ADGRV1: variants seen among roughly 807,000 people sequenced by gnomAD.
ADGRV1 encodes the protein G-protein coupled receptor 98.
A neutral mutation model predicts 596.2 loss-of-function variants in ADGRV1; 359 were observed. The ratio of observed to expected loss-of-function variants is 0.60; its 90% CI spans 0.55 to 0.66. The LOEUF (loss-of-function observed/expected upper bound fraction) is 0.66, where lower values mean the gene tolerates loss of function less well. ADGRV1 is among the 30% of genes least tolerant of loss of function. The probability of loss-of-function intolerance (pLI) is 0.00; values close to 1 mark genes in which losing one functional copy is unlikely to be tolerated. For missense variants in ADGRV1, 7,274 were observed against 7,575.6 expected (o/e 0.96, Z 1.48); for synonymous variants, 2,681 against 2,679.2 (o/e 1.00, Z -0.02).
At chr5:90,882,522 A>G (rs1769893589) in intron 83 of ADGRV1, among the ~76,000 whole-genome samples, 1 of 152,194 alleles carries the variant, frequency 6.6e-6, no homozygotes, top group African/African-American at 2.4e-5. Flanking sequence ...TCTTCATTAC[A>G]GCCTTTTAAA....
At chr5:91,078,836 A>G (rs1453345275) in intron 86 of ADGRV1, among the ~76,000 whole-genome samples, 1 of 152,248 alleles carries the variant, frequency 6.6e-6, no homozygotes, top group East Asian at 1.9e-4. Flanking sequence ...AATTGGGAGA[A>G]ATAGTACATT....
intron 73 of ADGRV1, among the ~76,000 whole-genome samples, chr5:90,809,293 TACACACACACACACAC>T (rs60659185): frequency 7.4e-6 from 1 of 134,538 alleles, no homozygotes; most frequent in South Asian, 2.5e-4. Flanking sequence ...CGGGCATAAA[TACACACACACACACAC>T]ACACACACAC....
intron 70 of ADGRV1, among the ~76,000 whole-genome samples, chr5:90,794,275 G>T (rs532541680): frequency 1.3e-5 from 2 of 152,284 alleles, no homozygotes; most frequent in African/African-American, 4.8e-5. Context: ...TCTTGATGTA[G>T]GTTTAACACC....
chr5:90,725,205 A>T lies in ADGRV1; in HGVS notation c.10026A>T (p.Thr3342=). The T allele has an allele frequency of 1.3e-6, 2 of 1,501,434 alleles. No individual in the cohort carries two copies. The highest frequency in any genetic ancestry group is 1.8e-6 in the Non-Finnish European group (2 of 1,115,770). The allele number at this position is 1,501,434 out of a possible 1,614,324, so 93.0% of individuals were successfully genotyped here. The change falls in exon 47 of 90, where the codon ACA becomes ACT. Residue 3342 remains threonine, a synonymous_variant. Transcript: ENST00000405460. ...EEKPSLNSVF[T]FTSGFKLFLV... Reference sequence around the variant, plus strand: ...AGCCTTCTCTTAACAGTGTGTTTACATTCACATCTGGATTTAAATTATTCC... The same window carrying T: ...AGCCTTCTCTTAACAGTGTGTTTACTTTCACATCTGGATTTAAATTATTCC...
intron 33 of ADGRV1, among the ~76,000 whole-genome samples, chr5:90,696,264 T>C (rs1475161625): frequency 6.6e-6 from 1 of 152,118 alleles, no homozygotes. Context: ...ATCTACTAGA[T>C]CAAATTGCAA....
chr5:90,829,202 A>G lies in ADGRV1; in HGVS notation c.16611+16A>G, dbSNP rs533475972. The G allele has an allele frequency of 1.1e-4, 156 of 1,466,948 alleles. No individual in the cohort carries two copies. The highest frequency in any genetic ancestry group is 1.4e-4 in the Non-Finnish European group (152 of 1,098,142). 90.9% of individuals were successfully genotyped at this position (1,466,948 alleles called of 1,614,324 possible). A position where few individuals can be genotyped will look rare whatever the true frequency, so the allele number is the denominator to read the frequency against. ...TAGTACCCAGGTAAGCATGGAATAT[A>G]TATATTCATACACGTTATGGTTTTC... On this transcript the variant is annotated intron_variant, in intron 77 of 89. Transcript: ENST00000405460.
At chr5:90,859,881 A>G (rs1428136879) in intron 82 of ADGRV1, among the ~76,000 whole-genome samples, 1 of 151,534 alleles carries the variant, frequency 6.6e-6, no homozygotes. Context: ...GGAGTTCGAG[A>G]CCAGCCTGGG....
chr5:91,103,384 A>C (rs1000439728), intron 87 of ADGRV1, among the ~76,000 whole-genome samples: 6 of 151,352 alleles, frequency 4.0e-5, no homozygotes, highest in Non-Finnish European at 7.4e-5. Flanking sequence ...GGATCTGATG[A>C]TTCAAAGAGT....
chr5:90,899,104 G>A (rs1771595551), intron 83 of ADGRV1: 1 of 151,966 alleles, frequency 6.6e-6, no homozygotes, highest in Admixed American at 6.6e-5. Flanking sequence ...AAAGTCCAAG[G>A]GCCACACATG....
intron 86 of ADGRV1, among the ~76,000 whole-genome samples, chr5:91,094,919 C>G (rs958048899): frequency 6.6e-6 from 1 of 152,132 alleles, no homozygotes; most frequent in Non-Finnish European, 1.5e-5. Context: ...GGAAGGATAT[C>G]TTAATAAAAT....
At chr5:91,148,300 GCAGCCCCTCC>G (rs902252057) in intron 87 of ADGRV1, among the ~76,000 whole-genome samples, 8 of 152,124 alleles carry the variant, frequency 5.3e-5, no homozygotes, top group African/African-American at 1.9e-4. Flanking sequence ...GACCTTCACC[GCAGCCCCTCC>G]CATCACAGGC....
intron 83 of ADGRV1, among the ~76,000 whole-genome samples, chr5:90,867,700 T>C (rs960569833): frequency 1.3e-5 from 2 of 152,182 alleles, no homozygotes; most frequent in South Asian, 2.1e-4. Context: ...TTTGTTGAGA[T>C]TGCCAACTCA....
chr5:90,878,334 A>G, intron 83 of ADGRV1, among the ~76,000 whole-genome samples: 1 of 152,190 alleles, frequency 6.6e-6, no homozygotes, highest in Non-Finnish European at 1.5e-5. Flanking sequence ...TCTAACGCAC[A>G]CTGCCTAATC....
intron 87 of ADGRV1, among the ~76,000 whole-genome samples, chr5:91,104,190 A>G (rs1403481909): frequency 6.6e-6 from 1 of 152,164 alleles, no homozygotes; most frequent in Non-Finnish European, 1.5e-5. Flanking sequence ...GAGCAGCTCT[A>G]AGTAGGTAGG....
At chr5:90,560,018 A>G (rs1754602140) in intron 1 of ADGRV1, among the ~76,000 whole-genome samples, 1 of 152,136 alleles carries the variant, frequency 6.6e-6, no homozygotes. Context: ...AATTTGAGAA[A>G]AATGTAGGTT....
At chr5:90,862,483 C>T (rs564292930) in intron 82 of ADGRV1, among the ~76,000 whole-genome samples, 9 of 152,194 alleles carry the variant, frequency 5.9e-5, no homozygotes, top group Non-Finnish European at 1.0e-4. Context: ...TCAAAGTATG[C>T]ATTACTTGAG....
Position 91,054,102 on chromosome 5 carries a change from T to TGTGTGA in ADGRV1, c.18153-18344_18153-18343insTGTGAG, listed in dbSNP as rs1299621929. 5.0e-3 allele frequency among the ~76,000 whole-genome samples: 638 copies of TGTGTGA among 126,704 alleles called. 6 individuals carry two copies. The highest frequency in any genetic ancestry group is 0.017 in the African/African-American group (545 of 31,734). 83.1% of individuals were successfully genotyped at this position (126,704 alleles called of 152,430 possible). Reference sequence around the variant, plus strand: ...GTGTGTGTGTGTGTGTGTGTGTGTGTGAGAGAGAGAGAGAGAGAGAGAGAG... The same window carrying TGTGTGA: ...GTGTGTGTGTGTGTGTGTGTGTGTGTGTGTGAGAGAGAGAGAGAGAGAGAGAGAGAG... On this transcript the variant is annotated intron_variant, in intron 85 of 89. Coordinates refer to ENST00000405460, the MANE Select transcript of ADGRV1 (RefSeq NM_032119.4).
chr5:91,035,861 T>TATATATATATATATATATATAATA, intron 85 of ADGRV1, among the ~76,000 whole-genome samples: 3 of 96,402 alleles, frequency 3.1e-5, no homozygotes, highest in Non-Finnish European at 4.3e-5. Flanking sequence ...TATATATATA[T>TATATATATATATATATATATAATA]TATATATATA....
chr5:90,573,455 C>G (rs1756801278), intron 1 of ADGRV1, among the ~76,000 whole-genome samples: 1 of 152,114 alleles, frequency 6.6e-6, no homozygotes, highest in African/African-American at 2.4e-5. Context: ...CCTATGGCTC[C>G]TAGGCTAAAA....
Sources: gnomAD v4.1 joint callset for allele counts (sites outside exome capture counted in the v4.1 genomes callset) on GRCh38, gnomAD v4.1.1 for gene constraint, MANE v1.5 for transcripts, NCBI Gene and HGNC (gene_info 2026-07-23, HGNC 2026-07-21) for gene names.